Variants in USP10 observed in about 807,000 individuals in gnomAD.
USP10 encodes the protein ubiquitin specific peptidase 10, also known as ubiquitin carboxyl-terminal hydrolase 10.
Under a neutral mutation model 84.5 loss-of-function variants are expected in USP10, and 22 were observed. The ratio of observed to expected loss-of-function variants is 0.26; its 90% CI spans 0.19 to 0.37. The LOEUF (loss-of-function observed/expected upper bound fraction) is 0.37, where lower values mean the gene tolerates loss of function less well. Ranked by LOEUF, USP10 falls within the 10% of genes least tolerant of loss-of-function variation. USP10 has a pLI of 1.00. For synonymous variants in USP10, 454 were observed against 387.6 expected (o/e 1.17, Z -2.01); for missense variants, 1,019 against 998.9 (o/e 1.02, Z -0.27).
chr16:84,721,674 A>G, intron 1 of USP10, among the ~76,000 whole-genome samples: 1 of 151,810 alleles, frequency 6.6e-6, no homozygotes, highest in East Asian at 1.9e-4. Flanking sequence ...GACTACAGGC[A>G]TGTGCCACCA....
intron 1 of USP10, among the ~76,000 whole-genome samples, chr16:84,703,391 G>T (rs1258382098): frequency 6.6e-6 from 1 of 152,166 alleles, no homozygotes; most frequent in South Asian, 2.1e-4. Context: ...TTCTGTCCTT[G>T]TCTCTGCATA....
At chr16:84,758,212 A>G (rs1034887064) in intron 4 of USP10, among the ~76,000 whole-genome samples, 8 of 152,280 alleles carry the variant, frequency 5.3e-5, no homozygotes, top group African/African-American at 1.9e-4. Context: ...GAGTATTTTT[A>G]CTCACTGAAC....
chr16:84,726,390 C>G (rs959999761), intron 1 of USP10, among the ~76,000 whole-genome samples: 5 of 152,204 alleles, frequency 3.3e-5, no homozygotes, highest in African/African-American at 7.2e-5. Context: ...TTGCTGAGGG[C>G]AAGGTCTTTG....
At chr16:84,735,872 G>A (rs1381830420) in intron 2 of USP10, among the ~76,000 whole-genome samples, 2 of 152,198 alleles carry the variant, frequency 1.3e-5, no homozygotes, top group Non-Finnish European at 2.9e-5. Flanking sequence ...AACATAATCG[G>A]ATGGAGTTGT....
chr16:84,717,599 C>G (rs989794664), intron 1 of USP10, among the ~76,000 whole-genome samples: 4 of 152,128 alleles, frequency 2.6e-5, no homozygotes, highest in Non-Finnish European at 4.4e-5. Flanking sequence ...TCTTAGGTGC[C>G]AAGCATTTTA....
At chr16:84,771,659 A>G (rs1005523346) in intron 11 of USP10, among the ~76,000 whole-genome samples, 1 of 152,192 alleles carries the variant, frequency 6.6e-6, no homozygotes, top group African/African-American at 2.4e-5. Flanking sequence ...ACCTGAGGTC[A>G]GGAGTTCAAG....
intron 1 of USP10, among the ~76,000 whole-genome samples, chr16:84,711,552 A>G (rs1322809605): frequency 1.3e-5 from 2 of 152,134 alleles, no homozygotes; most frequent in Non-Finnish European, 2.9e-5. Context: ...AGGAAATTCT[A>G]GTCTCTAGTT....
chr16:84,753,720 G>C (rs1294058913), intron 4 of USP10, among the ~76,000 whole-genome samples: 1 of 152,196 alleles, frequency 6.6e-6, no homozygotes, highest in Non-Finnish European at 1.5e-5. Context: ...AAAGTCTGTT[G>C]AGTCATTTCT....
intron 4 of USP10, among the ~76,000 whole-genome samples, chr16:84,755,096 C>T (rs1912376058): frequency 1.3e-5 from 2 of 151,256 alleles, no homozygotes; most frequent in Admixed American, 1.3e-4. Flanking sequence ...CGTCATAAAG[C>T]GTGTTTTTGA....
At chr16:84,720,576 A>ATTTTTTTTT (rs10699847) in intron 1 of USP10, among the ~76,000 whole-genome samples, 3,808 of 88,238 alleles carry the variant, frequency 0.043, 429 homozygotes, top group Non-Finnish European at 0.05. Context: ...ATGATGCCCA[A>ATTTTTTTTT]TTTTTTTTTT....
At chr16:84,738,983 G>T (rs1910283661) in intron 2 of USP10, among the ~76,000 whole-genome samples, 1 of 152,068 alleles carries the variant, frequency 6.6e-6, no homozygotes, top group Admixed American at 6.5e-5. Context: ...TGCTGCACCA[G>T]AATGTCTTTT....
Position 84,740,687 on chromosome 16 carries a change from T to G in USP10, c.151+318T>G, listed in dbSNP as rs930254030. 3.3e-5 allele frequency among the ~76,000 whole-genome samples: 5 copies of G among 152,258 alleles called. 1 individual carries two copies. The highest frequency in any genetic ancestry group is 5.9e-5 in the Non-Finnish European group (4 of 68,046). On this transcript the variant is annotated intron_variant, in intron 3 of 13. Transcript: ENST00000219473. ...CACATGCTGGAGTTGAAGCGAACTT[T>G]GGGTCTTGTTGCTAAGCAGCCTGCT... is the stretch of plus-strand genomic sequence containing the variant.
At chr16:84,700,950 A>G (rs1904791265) in intron 1 of USP10, among the ~76,000 whole-genome samples, 1 of 152,086 alleles carries the variant, frequency 6.6e-6, no homozygotes, top group East Asian at 1.9e-4. Flanking sequence ...CTGGACAAAA[A>G]TCGGCATGAT....
At chr16:84,764,039 CT>C in intron 9 of USP10, 46 bp from the exon 10 acceptor site, 1 of 1,510,828 alleles carries the variant, frequency 6.6e-7, no homozygotes, top group Non-Finnish European at 8.8e-7. Flanking sequence ...TTTTTTTTTG[CT>C]GTTCTTGTCG....
Position 84,763,052 on chromosome 16 carries a change from T to A in USP10, c.1618T>A (p.Leu540Met). 1 of 1,612,642 alleles carries A rather than the reference T, an allele frequency of 6.2e-7. No individual in the cohort carries two copies. Among genetic ancestry groups the A allele is most frequent in the Non-Finnish European group, 8.5e-7 (1 of 1,178,878 alleles). ...TCTAAATGGACTTCATGAGGAAATGTTGAACCTAAAGAAGCTTCTCTCACC... is the reference window on the plus strand; with the variant it reads ...TCTAAATGGACTTCATGAGGAAATGATGAACCTAAAGAAGCTTCTCTCACC... ...FILNGLHEEM[L>M]NLKKLLSPSN... Residue 540 changes from leucine (L) to methionine (M), a missense_variant, in exon 9 of 14, where the codon TTG becomes ATG. Leu to Met is a conservative substitution (Grantham distance 15, BLOSUM62 2). This residue lies in a region of USP10 where 787 missense variants were observed against 708.8 expected (regional missense o/e 1.11). Transcript: ENST00000219473.
rs149058863 is a variant in USP10 at position 84,707,282 on chromosome 16, A to G, written c.21+7171A>G. ...GAATGAATGAATGAAATGTGCATTT[A>G]GAAACTTTAATGTTACTAATTACAA... On this transcript the variant is annotated intron_variant, in intron 1 of 13. Transcript: ENST00000219473. Among the ~76,000 whole-genome samples the G allele has an allele frequency of 2.4e-3, 361 of 152,376 alleles. 2 individuals are homozygous for G. The highest frequency in any genetic ancestry group is 7.4e-3 in the African/African-American group (308 of 41,590).
chr16:84,754,944 C>T (rs1912350831), intron 4 of USP10, among the ~76,000 whole-genome samples: 1 of 150,960 alleles, frequency 6.6e-6, no homozygotes, highest in African/African-American at 2.4e-5. Context: ...AGTTCGAGAC[C>T]AGCCTGGCCA....
intron 1 of USP10, among the ~76,000 whole-genome samples, chr16:84,717,755 C>G (rs1181653359): frequency 2.0e-5 from 3 of 152,160 alleles, no homozygotes; most frequent in Non-Finnish European, 4.4e-5. Context: ...TATGTGTGTT[C>G]AGGAAAGTGC....
rs572044260 is a variant in USP10 at position 84,733,495 on chromosome 16, T to G, written c.82T>G (p.Ser28Ala). The change falls in exon 2 of 14, where the codon TCA (serine) becomes GCA (alanine). Residue 28 changes from serine (S) to alanine (A), a missense_variant. Transcript: ENST00000219473. ...FNQFFVTPRS[S>A]VELPPYSGTV... Reference sequence around the variant, plus strand: ...TCAATTCTTTGTGACTCCTCGATCTTCAGTTGAGGTAAGACAAAACTTTGT... The same window carrying G: ...TCAATTCTTTGTGACTCCTCGATCTGCAGTTGAGGTAAGACAAAACTTTGT... 1.9e-6 allele frequency: 3 copies of G among 1,609,454 alleles called. No homozygotes were observed. The highest frequency in any genetic ancestry group is 2.7e-5 in the African/African-American group (2 of 74,910).
Sources: allele counts gnomAD v4.1 joint callset (sites outside exome capture counted in the v4.1 genomes callset), GRCh38; gene constraint gnomAD v4.1.1; regional missense constraint gnomAD v4.1.1; transcripts MANE v1.5; gene names NCBI Gene and HGNC (gene_info 2026-07-23, HGNC 2026-07-21).